The following ULK4 variants were observed in gnomAD, a reference collection of about 807,000 sequenced individuals.
ULK4 encodes inactive serine/threonine-protein kinase ULK4.
A neutral mutation model predicts 160.6 loss-of-function variants in ULK4; 133 were observed. The observed-to-expected ratio is 0.83, with a 90% CI of 0.72 to 0.96. The LOEUF (loss-of-function observed/expected upper bound fraction) is 0.96. Among genes scored for constraint, ULK4 ranks in the 40% least tolerant of loss-of-function variants. The pLI, the probability that ULK4 is intolerant of heterozygous loss-of-function variation, is 0.00. For missense variants in ULK4, 1,580 were observed against 1,499.5 expected (o/e 1.05, Z -0.89); for synonymous variants, 534 against 539.8 (o/e 0.99, Z 0.15).
chr3:41,619,604 A>G (rs1238090673), intron 30 of ULK4, among the ~76,000 whole-genome samples: 1 of 152,222 alleles, frequency 6.6e-6, no homozygotes, highest in African/African-American at 2.4e-5. Flanking sequence ...TCTCTGGGAC[A>G]CAGCTAAAGC....
chr3:41,907,626 T>C (rs536394836), intron 12 of ULK4, among the ~76,000 whole-genome samples: 1 of 152,304 alleles, frequency 6.6e-6, no homozygotes, highest in African/African-American at 2.4e-5. Context: ...TTGTATGGTA[T>C]GTCAACTGTA....
At position 41,733,995 on chromosome 3, in the gene ULK4, C is replaced by T. The variant is rs149891833; in HGVS notation, c.2322-16134G>A. On this transcript the variant is annotated intron_variant, in intron 22 of 36. Coordinates refer to ENST00000301831, the MANE Select transcript of ULK4 (RefSeq NM_017886.4). The stretch of plus-strand genomic sequence containing the variant: ...TAGGTGATCCACCTGCCTTGGCCTC[C>T]CAAAGTGCTTAGGATTACAGGCATG... Among the ~76,000 whole-genome samples, 40 of 152,134 alleles carry T rather than the reference C, an allele frequency of 2.6e-4. 1 individual carries two copies. In the South Asian group the frequency reaches 2.9e-3, roughly 11 times the overall value.
At chr3:41,541,953 C>T (rs919654621) in intron 32 of ULK4, among the ~76,000 whole-genome samples, 1 of 152,178 alleles carries the variant, frequency 6.6e-6, no homozygotes, top group African/African-American at 2.4e-5. Context: ...ACTATCATGT[C>T]ATCTGCAAAC....
intron 32 of ULK4, among the ~76,000 whole-genome samples, chr3:41,564,459 T>C: frequency 7.4e-6 from 1 of 135,812 alleles, no homozygotes; most frequent in Non-Finnish European, 1.6e-5. Flanking sequence ...CTTTTTTTTT[T>C]TTTTTTTTTT....
intron 31 of ULK4, among the ~76,000 whole-genome samples, chr3:41,609,154 A>G (rs1349986504): frequency 6.6e-6 from 1 of 152,028 alleles, no homozygotes; most frequent in African/African-American, 2.4e-5. Context: ...TTTTTTTTTC[A>G]TTGGGTACAA....
chr3:41,736,528 G>T (rs1469782989), intron 22 of ULK4, among the ~76,000 whole-genome samples: 2 of 151,802 alleles, frequency 1.3e-5, no homozygotes, highest in Admixed American at 6.6e-5. Context: ...CGCCCACTTT[G>T]TGATGGGGTT....
intron 18 of ULK4, among the ~76,000 whole-genome samples, chr3:41,824,972 G>T (rs985586289): frequency 6.6e-6 from 1 of 152,174 alleles, no homozygotes; most frequent in Non-Finnish European, 1.5e-5. Context: ...AAAACTTCCA[G>T]AGGAACAATC....
chr3:41,442,199 G>A (rs1440037106), intron 34 of ULK4, among the ~76,000 whole-genome samples: 1 of 152,178 alleles, frequency 6.6e-6, no homozygotes, highest in African/African-American at 2.4e-5. Flanking sequence ...TAGAGAGAGA[G>A]TATTAGGGAG....
At chr3:41,660,256 T>C (rs922939448) in intron 30 of ULK4, among the ~76,000 whole-genome samples, 5 of 151,752 alleles carry the variant, frequency 3.3e-5, no homozygotes, top group Non-Finnish European at 7.4e-5. Flanking sequence ...GATTGTGCCA[T>C]TGCACACCAG....
At chr3:41,813,195 T>A (rs2040867554) in intron 19 of ULK4, among the ~76,000 whole-genome samples, 1 of 152,146 alleles carries the variant, frequency 6.6e-6, no homozygotes. Context: ...AGCTAATGCA[T>A]GCTGGGTTTA....
At chr3:41,696,471 T>C (rs2036505885) in intron 27 of ULK4, among the ~76,000 whole-genome samples, 1 of 152,124 alleles carries the variant, frequency 6.6e-6, no homozygotes, top group Admixed American at 6.5e-5. Flanking sequence ...TGACTCACAC[T>C]CTTTACCCTG....
chr3:41,827,917 C>A (rs1387051941), intron 18 of ULK4, among the ~76,000 whole-genome samples: 1 of 151,966 alleles, frequency 6.6e-6, no homozygotes, highest in Non-Finnish European at 1.5e-5. Context: ...ACGGGCAAAC[C>A]AAATCCAGCA....
At chr3:41,387,581 C>A (rs992680232) in intron 35 of ULK4, among the ~76,000 whole-genome samples, 28 of 152,184 alleles carry the variant, frequency 1.8e-4, no homozygotes, top group Admixed American at 4.6e-4. Context: ...TGTCCATGTG[C>A]TCTCATTGTT....
intron 18 of ULK4, among the ~76,000 whole-genome samples, chr3:41,826,550 A>G (rs1247315945): frequency 6.7e-6 from 1 of 149,446 alleles, no homozygotes; most frequent in Non-Finnish European, 1.5e-5. Context: ...CAAAGATCAA[A>G]AGAGACAAAG....
At chr3:41,277,118 C>T (rs2079241611) in intron 35 of ULK4, among the ~76,000 whole-genome samples, 1 of 151,818 alleles carries the variant, frequency 6.6e-6, no homozygotes, top group Non-Finnish European at 1.5e-5. Context: ...AAAAAATTAC[C>T]ACCAAAAAAT....
At chr3:41,431,310 T>C (rs1232900331) in intron 34 of ULK4, among the ~76,000 whole-genome samples, 1 of 150,942 alleles carries the variant, frequency 6.6e-6, no homozygotes, top group African/African-American at 2.4e-5. Flanking sequence ...ATCGCGCCGC[T>C]GCACTACAGC....
intron 22 of ULK4, among the ~76,000 whole-genome samples, chr3:41,740,090 T>C (rs2038193939): frequency 1.3e-5 from 2 of 152,010 alleles, no homozygotes; most frequent in African/African-American, 4.8e-5. Flanking sequence ...AAAGCTTTCT[T>C]TGCCCATATT....
At chr3:41,281,601 C>T (rs1259533694) in intron 35 of ULK4, among the ~76,000 whole-genome samples, 1 of 152,152 alleles carries the variant, frequency 6.6e-6, no homozygotes, top group Non-Finnish European at 1.5e-5. Context: ...AATTCAACAG[C>T]TCTTCATGCT....
chr3:41,538,122 C>T (rs1040896938), intron 32 of ULK4, among the ~76,000 whole-genome samples: 1 of 152,066 alleles, frequency 6.6e-6, no homozygotes, highest in African/African-American at 2.4e-5. Flanking sequence ...TCATCCTTTG[C>T]TGGCAGTAAA....
Sources: gnomAD v4.1 joint callset for allele counts (sites outside exome capture counted in the v4.1 genomes callset) on GRCh38, gnomAD v4.1.1 for gene constraint, MANE v1.5 for transcripts, NCBI Gene and HGNC (gene_info 2026-07-23, HGNC 2026-07-21) for gene names.